The following BMERB1 variants were observed in gnomAD, a reference collection of about 807,000 sequenced individuals.
BMERB1 encodes the protein bMERB domain-containing protein 1.
BMERB1 carries 12 observed loss-of-function variants against 23.6 expected under a neutral mutation model. That is an observed-to-expected ratio of 0.51 (90% CI 0.33 to 0.82). The LOEUF (loss-of-function observed/expected upper bound fraction) is 0.82. BMERB1 is among the 40% of genes least tolerant of loss of function. BMERB1 has a pLI of 0.03. For missense variants in BMERB1, 247 were observed against 255.4 expected (o/e 0.97, Z 0.22); for synonymous variants, 122 against 96.6 (o/e 1.26, Z -1.54).
chr16:15,526,676 A>C (rs940589306), intron 2 of BMERB1, among the ~76,000 whole-genome samples: 5 of 150,612 alleles, frequency 3.3e-5, no homozygotes, highest in African/African-American at 4.9e-5. Context: ...AAAAAAAAAA[A>C]AAAAAAAACT....
intron 2 of BMERB1, among the ~76,000 whole-genome samples, chr16:15,526,097 G>T (rs2051902310): frequency 6.6e-6 from 1 of 152,180 alleles, no homozygotes; most frequent in Non-Finnish European, 1.5e-5. Context: ...GCACTCATTA[G>T]TAAATAATGG....
chr16:15,462,714 C>T (rs1037602131), intron 1 of BMERB1, among the ~76,000 whole-genome samples: 2 of 152,116 alleles, frequency 1.3e-5, no homozygotes, highest in African/African-American at 4.8e-5. Flanking sequence ...TGAGCACAGA[C>T]ATTTAGTTTA....
chr16:15,531,268 T>C (rs2051964769), intron 2 of BMERB1, among the ~76,000 whole-genome samples: 1 of 152,120 alleles, frequency 6.6e-6, no homozygotes, highest in Non-Finnish European at 1.5e-5. Context: ...AGCATGAGAA[T>C]GGACTAATAC....
At chr16:15,545,615 A>G (rs929775007) in intron 2 of BMERB1, among the ~76,000 whole-genome samples, 3 of 152,140 alleles carry the variant, frequency 2.0e-5, no homozygotes, top group African/African-American at 7.2e-5. Flanking sequence ...GGATCAAGAA[A>G]GCCCCAGAGA....
chr16:15,436,164 C>T (rs1399416909), intron 1 of BMERB1, among the ~76,000 whole-genome samples: 3 of 151,826 alleles, frequency 2.0e-5, no homozygotes, highest in Non-Finnish European at 4.4e-5. Context: ...AAACCTCAAG[C>T]ATTTATCCTT....
chr16:15,566,791 CTATT>C (rs2030577518), intron 2 of BMERB1, among the ~76,000 whole-genome samples: 1 of 152,022 alleles, frequency 6.6e-6, no homozygotes, highest in African/African-American at 2.4e-5. Flanking sequence ...ATGATCAAGA[CTATT>C]AAAGATTATT....
intron 2 of BMERB1, among the ~76,000 whole-genome samples, chr16:15,544,570 G>A (rs935158567): frequency 1.1e-4 from 16 of 152,196 alleles, no homozygotes; most frequent in Non-Finnish European, 1.9e-4. Context: ...AGCTGCCCCT[G>A]GCAGCCGGGA....
chr16:15,517,884 TGTG>T (rs2051787968), intron 2 of BMERB1, among the ~76,000 whole-genome samples: 1 of 123,254 alleles, frequency 8.1e-6, no homozygotes. Flanking sequence ...GGTGTGTGGA[TGTG>T]TGTGTGTGGA....
At position 15,460,209 on chromosome 16, in the gene BMERB1, G is replaced by C. The variant is rs28744673; in HGVS notation, c.106+25450G>C. 4.9e-4 allele frequency among the ~76,000 whole-genome samples: 75 copies of C among 152,110 alleles called. 1 individual carries two copies. The highest frequency in any genetic ancestry group is 2.4e-3 in the Admixed American group (36 of 15,266). ...TGAAGATTCTCTGAGTGGGAGGATG[G>C]GTGAGATTCAAATTAGAGAAGTACT... is the stretch of plus-strand genomic sequence containing the variant. On this transcript the variant is annotated intron_variant, in intron 1 of 5. Transcript: ENST00000300006.
intron 1 of BMERB1, among the ~76,000 whole-genome samples, chr16:15,502,074 A>G (rs1018837445): frequency 6.6e-6 from 1 of 152,198 alleles, no homozygotes; most frequent in Non-Finnish European, 1.5e-5. Flanking sequence ...AGGTTAGGGC[A>G]TTTGCCGAGG....
chr16:15,539,582 G>T (rs530574151), intron 2 of BMERB1, among the ~76,000 whole-genome samples: 1 of 152,260 alleles, frequency 6.6e-6, no homozygotes, highest in African/African-American at 2.4e-5. Context: ...GGTAGCTCAT[G>T]CCTATAATCT....
intron 1 of BMERB1, among the ~76,000 whole-genome samples, chr16:15,439,211 A>AT (rs954875247): frequency 6.6e-6 from 1 of 152,196 alleles, no homozygotes; most frequent in African/African-American, 2.4e-5. Context: ...GTTAGGCTGA[A>AT]TGAGTTCAAA....
chr16:15,463,269 A>ATATATATATATATATATATTTTTTTTTT (rs1180090455), intron 1 of BMERB1, among the ~76,000 whole-genome samples: 17 of 148,642 alleles, frequency 1.1e-4, no homozygotes, highest in African/African-American at 4.4e-4. Flanking sequence ...ATATATATAT[A>ATATATATATATATATATATTTTTTTTTT]TTTTGTAGAG....
intron 2 of BMERB1, among the ~76,000 whole-genome samples, chr16:15,527,217 TC>T (rs1205017888): frequency 6.6e-6 from 1 of 152,112 alleles, no homozygotes; most frequent in African/African-American, 2.4e-5. Context: ...TCTGTACCAT[TC>T]AACACTCACT....
In BMERB1 at chr16:15,583,171, C is replaced by A; in HGVS notation, c.435C>A (p.Asp145Glu). The change falls in exon 5 of 6, where the codon GAC (aspartate) becomes GAA (glutamate). Residue 145 changes from aspartate (D) to glutamate (E), a missense_variant. Physicochemically the swap from Asp to Glu is conservative, Grantham distance 45. Transcript: ENST00000300006. Reference protein sequence around the residue: ...EVERLREQEEDKEMADFLRIK... With the variant: ...EVERLREQEEEKEMADFLRIK... ...ACTTTCACAGGGAGCAAGAAGAAGA[C>A]AAGGAAATGGCTGATTTCCTGAGAA... 1 of 1,613,320 alleles carries A rather than the reference C, an allele frequency of 6.2e-7. No homozygotes were observed. The highest frequency in any genetic ancestry group is 8.5e-7 in the Non-Finnish European group (1 of 1,179,284).
chr16:15,434,837 G>T (rs1380291349), intron 1 of BMERB1, 78 bp downstream of exon 1: 3 of 1,305,716 alleles, frequency 2.3e-6, no homozygotes, highest in Admixed American at 5.2e-5. Flanking sequence ...GCGGGAGCGC[G>T]AGGAACGCCA....
chr16:15,556,223 A>G (rs2030254237), intron 2 of BMERB1, among the ~76,000 whole-genome samples: 1 of 152,026 alleles, frequency 6.6e-6, no homozygotes, highest in Non-Finnish European at 1.5e-5. Flanking sequence ...CACATTTTGC[A>G]CAGAAATGTT....
At chr16:15,509,024 C>A (rs1328471961) in intron 1 of BMERB1, among the ~76,000 whole-genome samples, 1 of 151,738 alleles carries the variant, frequency 6.6e-6, no homozygotes, top group African/African-American at 2.4e-5. Context: ...CATTCTTTGC[C>A]CCAAATCCAA....
At chr16:15,562,348 G>A (rs983504233) in intron 2 of BMERB1, among the ~76,000 whole-genome samples, 1 of 151,274 alleles carries the variant, frequency 6.6e-6, no homozygotes, top group Non-Finnish European at 1.5e-5. Context: ...AAATGAGTTA[G>A]GTGAGACAGA....
Sources: gnomAD v4.1 joint callset for allele counts (sites outside exome capture counted in the v4.1 genomes callset) on GRCh38, gnomAD v4.1.1 for gene constraint, MANE v1.5 for transcripts, NCBI Gene and HGNC (gene_info 2026-07-23, HGNC 2026-07-21) for gene names.